The following SUMF1 variants were observed in gnomAD, a reference collection of about 807,000 sequenced individuals.
The protein encoded by SUMF1 is sulfatase modifying factor 1.
Under a neutral mutation model 47.6 loss-of-function variants are expected in SUMF1, and 48 were observed. The ratio of observed to expected loss-of-function variants is 1.01; its 90% CI spans 0.80 to 1.28. The LOEUF (loss-of-function observed/expected upper bound fraction) is 1.28, where lower values mean the gene tolerates loss of function less well. SUMF1 is among the 50% of genes most tolerant of loss of function. The pLI is 0.00. For synonymous variants in SUMF1, 230 were observed against 192.1 expected, an observed-to-expected ratio of 1.20 and a Z score of -1.63; for missense variants, 571 against 485.4, an observed-to-expected ratio of 1.18 and a Z score of -1.66.
At chr3:4,262,102 C>T (rs1323938986) in intron 8 of SUMF1, among the ~76,000 whole-genome samples, 1 of 152,096 alleles carries the variant, frequency 6.6e-6, no homozygotes, top group Non-Finnish European at 1.5e-5. Flanking sequence ...CAAAATATGT[C>T]TATGCCCGGC....
At chr3:4,173,286 A>C (rs1406290995) in intron 8 of SUMF1, among the ~76,000 whole-genome samples, 2 of 152,168 alleles carry the variant, frequency 1.3e-5, no homozygotes, top group Non-Finnish European at 2.9e-5. Context: ...GTTTGAAGTC[A>C]CATCACAGGT....
intron 8 of SUMF1, among the ~76,000 whole-genome samples, chr3:4,352,300 C>A (rs948495852): frequency 2.0e-5 from 3 of 152,058 alleles, no homozygotes; most frequent in Admixed American, 2.0e-4. Flanking sequence ...TAACCAGTTC[C>A]CCCCCAAAAA....
intron 8 of SUMF1, among the ~76,000 whole-genome samples, chr3:4,263,370 T>G (rs1328821270): frequency 6.6e-6 from 1 of 152,194 alleles, no homozygotes; most frequent in Non-Finnish European, 1.5e-5. Flanking sequence ...GGTAAAGGTG[T>G]GTGATGTTTT....
chr3:4,072,795 A>T (rs1474496366), intron 8 of SUMF1, among the ~76,000 whole-genome samples: 4 of 152,174 alleles, frequency 2.6e-5, no homozygotes, highest in Non-Finnish European at 5.9e-5. Flanking sequence ...AAAAAGAGTG[A>T]AGAGAAATGA....
intron 8 of SUMF1, among the ~76,000 whole-genome samples, chr3:4,218,878 AGCATGTGTGGGTTTT>A (rs2125171927): frequency 6.6e-6 from 1 of 152,300 alleles, no homozygotes; most frequent in South Asian, 2.1e-4. Flanking sequence ...TTTGGGTTTC[AGCATGTGTGGGTTTT>A]TCTTAAGCTT....
At chr3:4,323,818 G>A (rs905561491) in intron 8 of SUMF1, among the ~76,000 whole-genome samples, 8 of 152,144 alleles carry the variant, frequency 5.3e-5, no homozygotes, top group Admixed American at 2.6e-4. Flanking sequence ...GCTTTGGGGT[G>A]CAGGGAGAAT....
chr3:4,364,286 T>G (rs1353844074), intron 8 of SUMF1, among the ~76,000 whole-genome samples: 1 of 109,162 alleles, frequency 9.2e-6, no homozygotes. Context: ...TTGGAATAGT[T>G]TCAGAAGGAA....
intron 8 of SUMF1, among the ~76,000 whole-genome samples, chr3:4,136,635 C>T (rs980051281): frequency 8.8e-4 from 133 of 151,830 alleles, no homozygotes; most frequent in Admixed American, 1.8e-3. Flanking sequence ...TCTAATTAAA[C>T]TAAAGAGCTT....
chr3:4,141,326 CCAAGGG>C (rs1372802080), intron 8 of SUMF1, among the ~76,000 whole-genome samples: 26 of 152,016 alleles, frequency 1.7e-4, no homozygotes, highest in Admixed American at 1.6e-3. Flanking sequence ...ATTGAAATGG[CCAAGGG>C]GGAGAAGAAA....
At chr3:4,409,978 G>A (rs1221100831) in intron 7 of SUMF1, among the ~76,000 whole-genome samples, 1 of 152,110 alleles carries the variant, frequency 6.6e-6, no homozygotes, top group African/African-American at 2.4e-5. Context: ...ATTACCCTTT[G>A]AGCCTTTTCA....
chr3:4,123,663 T>G (rs1693594023), intron 8 of SUMF1, among the ~76,000 whole-genome samples: 1 of 152,188 alleles, frequency 6.6e-6, no homozygotes, highest in South Asian at 2.1e-4. Context: ...AAAAGACCCC[T>G]GACCTAGGAA....
chr3:4,375,665 T>C (rs1386326012), intron 8 of SUMF1, among the ~76,000 whole-genome samples: 1 of 152,136 alleles, frequency 6.6e-6, no homozygotes, highest in Non-Finnish European at 1.5e-5. Context: ...ATGCCATCTC[T>C]GCACAGGGAT....
chr3:4,141,528 C>T (rs78332380), intron 8 of SUMF1, among the ~76,000 whole-genome samples: 8,982 of 152,028 alleles, frequency 0.059, 578 homozygotes, highest in African/African-American at 0.16. Flanking sequence ...TCAACTCAAG[C>T]GGCTCACATC....
At chr3:4,140,341 A>C (rs1574918994) in intron 8 of SUMF1, among the ~76,000 whole-genome samples, 1 of 152,010 alleles carries the variant, frequency 6.6e-6, no homozygotes, top group Non-Finnish European at 1.5e-5. Context: ...TTCTTTTCCC[A>C]CAACCAACAT....
intron 8 of SUMF1, among the ~76,000 whole-genome samples, chr3:4,080,667 T>C (rs73806864): frequency 0.017 from 2,556 of 152,266 alleles, 83 homozygotes; most frequent in African/African-American, 0.055. Flanking sequence ...ATACATGTAA[T>C]ATACGTTACC....
At position 4,160,671 on chromosome 3, in the gene SUMF1, T is replaced by A. The variant is rs542147601; in HGVS notation, c.1015-91926A>T. On this transcript the variant is annotated intron_variant and NMD_transcript_variant, in intron 8 of 12. Transcript: ENST00000448413. The stretch of plus-strand genomic sequence containing the variant: ...TCCAAAATTTCTGCTTGATTCTTTT[T>A]CACTATTTCCATCTCTTTGTTAAAT... 5.3e-5 allele frequency among the ~76,000 whole-genome samples: 8 copies of A among 152,152 alleles called. No individual in the cohort carries two copies. The East Asian group carries it at 1.5e-3, about 29-fold the overall frequency.
chr3:4,226,935 G>A (rs1275987336), intron 8 of SUMF1, among the ~76,000 whole-genome samples: 3 of 151,972 alleles, frequency 2.0e-5, no homozygotes, highest in Non-Finnish European at 4.4e-5. Flanking sequence ...ATCACTCTGG[G>A]GGCTAAAACA....
chr3:4,133,033 C>A (rs1166855433), intron 8 of SUMF1, among the ~76,000 whole-genome samples: 1 of 152,104 alleles, frequency 6.6e-6, no homozygotes, highest in Non-Finnish European at 1.5e-5. Flanking sequence ...AAAGGGAATA[C>A]AGAATGGGTA....
intron 8 of SUMF1, among the ~76,000 whole-genome samples, chr3:4,076,103 G>T (rs1011099063): frequency 2.0e-5 from 3 of 151,972 alleles, no homozygotes; most frequent in Non-Finnish European, 2.9e-5. Flanking sequence ...CTACAAGGCT[G>T]CAGTAACCAA....
Sources: gnomAD v4.1 joint callset for allele counts (sites outside exome capture counted in the v4.1 genomes callset) on GRCh38, gnomAD v4.1.1 for gene constraint, MANE v1.5 for transcripts, NCBI Gene and HGNC (gene_info 2026-07-23, HGNC 2026-07-21) for gene names.